Variants in NUBP2 observed in about 807,000 individuals in gnomAD.
NUBP2 encodes the protein NUBP iron-sulfur cluster assembly factor 2, cytosolic.
A neutral mutation model predicts 24.9 loss-of-function variants in NUBP2; 23 were observed. The ratio of observed to expected loss-of-function variants is 0.92; its 90% CI spans 0.66 to 1.31. NUBP2 has a LOEUF of 1.31. NUBP2 is among the 50% of genes most tolerant of loss of function. The probability of loss-of-function intolerance (pLI) is 0.00; values close to 1 mark genes in which losing one functional copy is unlikely to be tolerated. For missense variants in NUBP2, 403 were observed against 386.5 expected (o/e 1.04, Z -0.36); for synonymous variants, 186 against 170.9 (o/e 1.09, Z -0.69).
In NUBP2 at chr16:1,787,770, C is replaced by T; in HGVS notation, c.428C>T (p.Ala143Val). The stretch of plus-strand genomic sequence containing the variant: ...CCGGGGACCTCCGATGAGCACATGG[C>T]CACCATAGAAGCCCTGCGTCCCTAC... Reference protein sequence around the residue: ...TPPGTSDEHMATIEALRPYQP... With the variant: ...TPPGTSDEHMVTIEALRPYQP... Residue 143 changes from alanine to valine, a missense_variant, in exon 4 of 7, where the codon GCC (alanine) becomes GTC (valine). Physicochemically the swap from Ala to Val is moderately conservative, Grantham distance 64 (BLOSUM62 0). Coordinates refer to ENST00000262302, the MANE Select transcript of NUBP2 (RefSeq NM_012225.4). 1 of 1,612,546 alleles carries T rather than the reference C, an allele frequency of 6.2e-7. No homozygotes were observed.
In NUBP2 at chr16:1,788,926, T is replaced by A; in HGVS notation, c.*212T>A. ...CTGCAGTGCCGTGGTCTGCGTGCTCTGCAGCTGTGAGACGGGGGCGGCCTG... is the reference window on the plus strand; with the variant it reads ...CTGCAGTGCCGTGGTCTGCGTGCTCAGCAGCTGTGAGACGGGGGCGGCCTG... On this transcript the variant is annotated 3_prime_UTR_variant, in exon 7 of 7. Coordinates refer to ENST00000262302, the MANE Select transcript of NUBP2 (RefSeq NM_012225.4). 1 of 598,352 alleles carries A rather than the reference T, an allele frequency of 1.7e-6. No homozygotes were observed. The highest frequency in any genetic ancestry group is 2.8e-6 in the Non-Finnish European group (1 of 360,588). The allele number at this position is 598,352 out of a possible 1,614,324, so 37.1% of individuals were successfully genotyped here. A position where few individuals can be genotyped will look rare whatever the true frequency, so the allele number is the denominator to read the frequency against.
In NUBP2 at chr16:1,787,792, C is replaced by G. The variant is rs775005273; in HGVS notation, c.450C>G (p.Pro150=). 2.2e-5 allele frequency: 35 copies of G among 1,612,036 alleles called. 1 individual carries two copies. Among genetic ancestry groups the G allele is most frequent in the Non-Finnish European group, 3.0e-5 (35 of 1,179,816 alleles). Residue 150 remains proline, a synonymous_variant, in exon 4 of 7, where the codon CCC becomes CCG. Coordinates refer to ENST00000262302, the MANE Select transcript of NUBP2 (RefSeq NM_012225.4). ...EHMATIEALR[P]YQPLGALVVT... ...TGGCCACCATAGAAGCCCTGCGTCC[C>G]TACCAGCCCCTGGGGGCCCTCGTGG...
chr16:1,784,199 TC>T, intron 1 of NUBP2: 1 of 217,206 alleles, frequency 4.6e-6, no homozygotes, highest in Non-Finnish European at 7.8e-6. Context: ...CAAGCGACCC[TC>T]CCACCTCAGC....
In NUBP2 at chr16:1,787,327, TG is replaced by T. The variant is rs563495928; in HGVS notation, c.335-347del. Reference sequence around the variant, plus strand: ...GCTGGTGGGAGTGAGGCGCAGGCTGTGGGTGCACCAGTGGGGCATCCACCAC... The same window carrying T: ...GCTGGTGGGAGTGAGGCGCAGGCTGTGGTGCACCAGTGGGGCATCCACCAC... On this transcript the variant is annotated intron_variant, in intron 3 of 6. Coordinates refer to ENST00000262302, the MANE Select transcript of NUBP2 (RefSeq NM_012225.4). 2.9e-5 allele frequency: 12 copies of T among 410,648 alleles called. No individual in the cohort carries two copies. In the East Asian group the frequency reaches 4.9e-4, roughly 17 times the overall value. The allele number at this position is 410,648 out of a possible 1,614,324, so 25.4% of individuals were successfully genotyped here. A position where few individuals can be genotyped will look rare whatever the true frequency, so the allele number is the denominator to read the frequency against.
At position 1,786,750 on chromosome 16, in the gene NUBP2, C is replaced by T; in HGVS notation, c.136-7C>T. On this transcript the variant is annotated splice_region_variant and splice_polypyrimidine_tract_variant and intron_variant, in intron 2 of 6. Transcript: ENST00000262302. ...GCCCCCGGCCTAGGCTGTGCCGCTC[C>T]TTGCAGGTGGGAATCCTGGATGTGG... 6.2e-7 allele frequency: 1 copy of T among 1,611,398 alleles called. No individual in the cohort carries two copies. The highest frequency in any genetic ancestry group is 1.1e-5 in the South Asian group (1 of 90,972).
intron 1 of NUBP2, chr16:1,783,398 T>C (rs1596864869): frequency 9.5e-7 from 1 of 1,050,708 alleles, no homozygotes; most frequent in East Asian, 7.2e-5. Context: ...AGCGAGACCC[T>C]GTCTCTAAAT....
At chr16:1,785,430 T>C in intron 1 of NUBP2, 2 of 1,178,136 alleles carry the variant, frequency 1.7e-6, no homozygotes, top group Non-Finnish European at 2.1e-6. Context: ...CCCCTGGGGG[T>C]TAACACTGCC....
intron 3 of NUBP2, 170 bp from the exon 4 acceptor site, chr16:1,787,507 G>A (rs1237064969): frequency 2.3e-6 from 2 of 857,020 alleles, no homozygotes; most frequent in Admixed American, 2.3e-5. Context: ...CCCCATCTTT[G>A]CACTCCTGCA....
intron 1 of NUBP2, 145 bp downstream of exon 1, chr16:1,783,181 G>T: frequency 8.5e-7 from 1 of 1,179,930 alleles, no homozygotes. Context: ...AGAGGCCGCG[G>T]CGCGGGCATT....
In NUBP2 at chr16:1,786,863, T is replaced by G. The variant is rs1896998833; in HGVS notation, c.242T>G (p.Leu81Arg). The G allele has an allele frequency of 6.3e-7, 1 of 1,591,738 alleles. No homozygotes were observed. Among genetic ancestry groups the G allele is most frequent in the Admixed American group, 1.7e-5 (1 of 58,950 alleles). The change falls in exon 3 of 7, where the codon CTG (leucine) becomes CGG (arginine). Residue 81 changes from leucine to arginine, a missense_variant. By Grantham distance (102) the Leu-to-Arg change is moderately radical. Coordinates refer to ENST00000262302, the MANE Select transcript of NUBP2 (RefSeq NM_012225.4). The stretch of plus-strand genomic sequence containing the variant: ...GACCGCGGCTGGGCACCCGTCTTCC[T>G]GGACCGGGAGCAGAGCATCTCGCTC... ...QCDRGWAPVF[L>R]DREQSISLMS... is the part of the protein sequence containing the mutation.
rs1019510915 is a variant in NUBP2, at chr16:1,786,888, C to G, written c.267C>G (p.Leu89=). 2 of 1,571,454 alleles carry G rather than the reference C, an allele frequency of 1.3e-6. No homozygotes were observed. Among genetic ancestry groups the G allele is most frequent in the Non-Finnish European group, 1.7e-6 (2 of 1,152,604 alleles). Residue 89 remains leucine (L), a synonymous_variant, in exon 3 of 7, where the codon CTC becomes CTG. Transcript: ENST00000262302. The part of the protein sequence containing the change: ...VFLDREQSIS[L]MSVGFLLEKP... ...TGGACCGGGAGCAGAGCATCTCGCT[C>G]ATGTCTGTGGGCTTCCTGCTGGAGA...
At chr16:1,785,496 C>G in intron 1 of NUBP2, 4 of 1,192,326 alleles carry the variant, frequency 3.4e-6, no homozygotes, top group Non-Finnish European at 4.2e-6. Context: ...TGACAGAGTC[C>G]CCGGCAGCTA....
chr16:1,786,430 C>A, intron 1 of NUBP2, 107 bp from the exon 2 acceptor site: 1 of 1,004,350 alleles, frequency 1.0e-6, no homozygotes, highest in Non-Finnish European at 1.5e-6. Flanking sequence ...TGGCGATTCA[C>A]CACTGCCCCG....
chr16:1,787,224 A>C (rs920401984), intron 3 of NUBP2: 2 of 441,130 alleles, frequency 4.5e-6, no homozygotes, highest in Non-Finnish European at 8.1e-6. Flanking sequence ...CCAGTGTGGC[A>C]GGTCATAGGG....
At position 1,788,673 on chromosome 16, in the gene NUBP2, G is replaced by A. The variant is rs1405746690; in HGVS notation, c.775G>A (p.Ala259Thr). The A allele has an allele frequency of 5.6e-6, 9 of 1,612,306 alleles. No individual in the cohort carries two copies. Among genetic ancestry groups the A allele is most frequent in the Non-Finnish European group, 6.8e-6 (8 of 1,179,832 alleles). ...SPAFAALTSI[A>T]QKILDATPAC... ...CGCCTTCGCTGCACTCACCTCCATA[G>A]CCCAGAAGATTCTGGACGCGACGCC... is the stretch of plus-strand genomic sequence containing the variant. The change falls in exon 7 of 7, where the codon GCC (alanine) becomes ACC (threonine). Residue 259 changes from alanine to threonine, a missense_variant. Coordinates refer to ENST00000262302, the MANE Select transcript of NUBP2 (RefSeq NM_012225.4).
At chr16:1,785,515 C>T (rs1202211781) in intron 1 of NUBP2, 1 of 1,198,010 alleles carries the variant, frequency 8.3e-7, no homozygotes, top group Non-Finnish European at 1.1e-6. Flanking sequence ...TACAGAAGTG[C>T]ATGCTCCCTC....
Position 1,787,998 on chromosome 16 carries a change from C to G in NUBP2, c.547C>G (p.Arg183Gly). The G allele has an allele frequency of 6.2e-7, 1 of 1,604,768 alleles. No individual in the cohort carries two copies. Among genetic ancestry groups the G allele is most frequent in the Non-Finnish European group, 8.5e-7 (1 of 1,177,202 alleles). Residue 183 changes from arginine (R) to glycine (G), a missense_variant, in exon 5 of 7, where the codon CGG becomes GGG. Arg to Gly is a moderately radical substitution (Grantham distance 125, BLOSUM62 -2). Coordinates refer to ENST00000262302, the MANE Select transcript of NUBP2 (RefSeq NM_012225.4). ...ELTFCRKTGL[R>G]VMGIVENMSG... ...GACCTTCTGTAGGAAGACGGGCTTG[C>G]GGGTGATGGGAATCGTGGAGAATAT...
In NUBP2 at chr16:1,785,444, G is replaced by C. The variant is rs1896916941; in HGVS notation, c.17-1093G>C. ...GCCCCTGGGGGTTAACACTGCCGCT[G>C]GTGCCAGCACTGATGGCAGCATGGC... On this transcript the variant is annotated intron_variant, in intron 1 of 6. Coordinates refer to ENST00000262302, the MANE Select transcript of NUBP2 (RefSeq NM_012225.4). The C allele has an allele frequency of 1.4e-5, 17 of 1,181,530 alleles. No individual in the cohort carries two copies. In the South Asian group the frequency reaches 2.7e-4, roughly 19 times the overall value. 73.2% of individuals were successfully genotyped at this position (1,181,530 alleles called of 1,614,324 possible).
Position 1,788,859 on chromosome 16 carries a change from C to A in NUBP2, c.*145C>A. Reference sequence around the variant, plus strand: ...CCGGAGAGCTTCTCCCCGACCAGCCCAGCCCCAGGATGTGTCGCACCAGCA... The same window carrying A: ...CCGGAGAGCTTCTCCCCGACCAGCCAAGCCCCAGGATGTGTCGCACCAGCA... On this transcript the variant is annotated 3_prime_UTR_variant, in exon 7 of 7. Transcript: ENST00000262302. 3 of 1,071,490 alleles carry A rather than the reference C, an allele frequency of 2.8e-6. No homozygotes were observed. The highest frequency in any genetic ancestry group is 3.9e-6 in the Non-Finnish European group (3 of 774,360). The allele number at this position is 1,071,490 out of a possible 1,614,324, so 66.4% of individuals were successfully genotyped here.
Sources: allele counts gnomAD v4.1 joint callset, GRCh38; gene constraint gnomAD v4.1.1; transcripts MANE v1.5; gene names NCBI Gene and HGNC (gene_info 2026-07-23, HGNC 2026-07-21).